Variants in SOX5 observed in about 807,000 individuals in gnomAD.
SOX5 encodes the protein SRY-box transcription factor 5.
A neutral mutation model predicts 92.0 loss-of-function variants in SOX5; 9 were observed. That is an observed-to-expected ratio of 0.10 (90% CI 0.06 to 0.17). The LOEUF is 0.17. SOX5 is among the 10% of genes least tolerant of loss of function. The pLI is 1.00. For missense variants in SOX5, 642 were observed against 944.5 expected, an observed-to-expected ratio of 0.68 and a Z score of 4.20; for synonymous variants, 344 against 336.3, an observed-to-expected ratio of 1.02 and a Z score of -0.25.
intron 2 of SOX5, among the ~76,000 whole-genome samples, chr12:24,328,780 A>G (rs184687299): frequency 3.8e-4 from 58 of 152,354 alleles, no homozygotes; most frequent in Non-Finnish European, 6.2e-4. Flanking sequence ...CTTTTGCCTA[A>G]AAACTATTTA....
intron 2 of SOX5, among the ~76,000 whole-genome samples, chr12:23,872,142 C>T (rs1400294654): frequency 2.1e-5 from 3 of 145,792 alleles, no homozygotes; most frequent in Admixed American, 6.9e-5. Context: ...GGACTACAGG[C>T]GCCCGCCACC....
intron 2 of SOX5, among the ~76,000 whole-genome samples, chr12:24,300,506 A>G (rs2140634318): frequency 1.3e-5 from 2 of 152,338 alleles, no homozygotes; most frequent in South Asian, 4.1e-4. Context: ...ACTAAGCAAC[A>G]TATCCACTGA....
chr12:24,158,653 C>T (rs1952440287), intron 4 of SOX5, among the ~76,000 whole-genome samples: 1 of 151,896 alleles, frequency 6.6e-6, no homozygotes, highest in African/African-American at 2.4e-5. Context: ...ATCTATTGTT[C>T]AAATTCTTTT....
intron 4 of SOX5, among the ~76,000 whole-genome samples, chr12:24,163,976 A>G (rs1754349230): frequency 6.6e-6 from 1 of 152,128 alleles, no homozygotes; most frequent in Non-Finnish European, 1.5e-5. Flanking sequence ...AAGAGAAATT[A>G]TACGGTATAA....
At chr12:24,339,132 GTC>G (rs145093656) in intron 2 of SOX5, among the ~76,000 whole-genome samples, 2 of 133,740 alleles carry the variant, frequency 1.5e-5, no homozygotes, top group African/African-American at 2.7e-5. Context: ...CTGCCTGTCT[GTC>G]TCTGTTTCTC....
intron 1 of SOX5, among the ~76,000 whole-genome samples, chr12:23,940,880 G>A (rs1363662439): frequency 1.3e-5 from 2 of 150,272 alleles, no homozygotes; most frequent in Non-Finnish European, 3.0e-5. Context: ...TGTTACTCAA[G>A]CATACCTTGA....
chr12:23,633,045 A>G (rs10842195), intron 8 of SOX5, among the ~76,000 whole-genome samples: 39,581 of 152,076 alleles, frequency 0.26, 5,622 homozygotes, highest in Middle Eastern at 0.36. Flanking sequence ...TCATCCAAAA[A>G]GAATTTCAAT....
At chr12:23,819,883 A>T (rs150771686) in intron 3 of SOX5, among the ~76,000 whole-genome samples, 1 of 152,202 alleles carries the variant, frequency 6.6e-6, no homozygotes, top group Non-Finnish European at 1.5e-5. Flanking sequence ...TAGTGCTGCA[A>T]TAAACATATG....
chr12:23,645,888 A>C (rs1361930094), intron 7 of SOX5, among the ~76,000 whole-genome samples: 1 of 152,218 alleles, frequency 6.6e-6, no homozygotes, highest in Non-Finnish European at 1.5e-5. Flanking sequence ...ACAATAAAGC[A>C]AGTAGCACAA....
In SOX5 at chr12:24,128,492, T is replaced by A. The variant is rs540053940; in HGVS notation, c.-2+84851A>T. On this transcript the variant is annotated intron_variant, in intron 4 of 4. Coordinates refer to the SOX5 transcript ENST00000446891. ...AGTAAAGAGTGAGCGACAATTTAGA[T>A]AGGGTAGCAAAAAAAGACCTCTCGA... Among the ~76,000 whole-genome samples the A allele has an allele frequency of 4.6e-5, 7 of 152,118 alleles. No homozygotes were observed. The East Asian group carries it at 9.6e-4, about 21-fold the overall frequency.
intron 1 of SOX5, among the ~76,000 whole-genome samples, chr12:24,444,117 T>C (rs1228147225): frequency 1.3e-5 from 2 of 152,198 alleles, no homozygotes; most frequent in Admixed American, 1.3e-4. Flanking sequence ...TAAAAGATGC[T>C]AGAAGAGGGG....
At chr12:24,431,958 C>T (rs556224819) in intron 1 of SOX5, among the ~76,000 whole-genome samples, 1 of 152,070 alleles carries the variant, frequency 6.6e-6, no homozygotes, top group African/African-American at 2.4e-5. Context: ...GTTTTCCTAA[C>T]AGGACTTCAG....
intron 1 of SOX5, among the ~76,000 whole-genome samples, chr12:24,526,338 C>T (rs1159151410): frequency 2.0e-5 from 3 of 151,840 alleles, no homozygotes; most frequent in Non-Finnish European, 4.4e-5. Context: ...GATGATGCAG[C>T]GGAGAGAAGA....
chr12:24,398,501 C>T (rs1219056480), intron 1 of SOX5, among the ~76,000 whole-genome samples: 1 of 152,100 alleles, frequency 6.6e-6, no homozygotes, highest in Non-Finnish European at 1.5e-5. Flanking sequence ...GAGAACCTGT[C>T]CCCCGTCTAG....
At chr12:24,447,061 C>T (rs1941588565) in intron 1 of SOX5, among the ~76,000 whole-genome samples, 1 of 152,180 alleles carries the variant, frequency 6.6e-6, no homozygotes, top group Admixed American at 6.5e-5. Context: ...AGAGAAGAGA[C>T]TAATCTCCAC....
At chr12:24,363,410 T>G (rs370343616) in intron 2 of SOX5, among the ~76,000 whole-genome samples, 41 of 152,308 alleles carry the variant, frequency 2.7e-4, no homozygotes, top group East Asian at 2.3e-3. Context: ...TGCCTCTGTA[T>G]ACATCTCAGT....
chr12:23,899,525 G>A lies in SOX5; in HGVS notation c.39-3501C>T, dbSNP rs142925747. On this transcript the variant is annotated intron_variant, in intron 1 of 14. Coordinates refer to ENST00000451604, the MANE Select transcript of SOX5 (RefSeq NM_006940.6). ...TAACAATGTGAGCATCTAGGCTGGC[G>A]TATGCTCTTATCCTTTAGAGATGAT... 2.8e-3 allele frequency among the ~76,000 whole-genome samples: 422 copies of A among 152,210 alleles called. 1 individual carries two copies. Among genetic ancestry groups the A allele is most frequent in the Admixed American group, 5.4e-3 (82 of 15,294 alleles).
At chr12:24,412,485 A>G (rs966549749) in intron 1 of SOX5, among the ~76,000 whole-genome samples, 9 of 151,708 alleles carry the variant, frequency 5.9e-5, no homozygotes, top group African/African-American at 2.2e-4. Context: ...TTCTATTTTT[A>G]TTGTCATTCA....
Position 23,826,987 on chromosome 12 carries a change from T to C in SOX5, c.481+18996A>G, listed in dbSNP as rs2096244973. Among the ~76,000 whole-genome samples, 4 of 152,212 alleles carry C rather than the reference T, an allele frequency of 2.6e-5. No individual in the cohort carries two copies. The South Asian group carries it at 8.3e-4, about 32-fold the overall frequency. On this transcript the variant is annotated intron_variant, in intron 3 of 14. Coordinates refer to ENST00000451604, the MANE Select transcript of SOX5 (RefSeq NM_006940.6). ...ATAATAAACAGACATGCTCAATTAT[T>C]GTGTGCTTCTGCAGCTACTGATCTC...
Sources: allele counts gnomAD v4.1 joint callset (sites outside exome capture counted in the v4.1 genomes callset), GRCh38; gene constraint gnomAD v4.1.1; transcripts MANE v1.5; gene names NCBI Gene and HGNC (gene_info 2026-07-23, HGNC 2026-07-21).